PPARGC1A: variants seen among roughly 807,000 people sequenced by gnomAD.
The protein encoded by PPARGC1A is peroxisome proliferator-activated receptor gamma coactivator 1-alpha.
Under a neutral mutation model 88.7 loss-of-function variants are expected in PPARGC1A, and 25 were observed. The observed-to-expected ratio is 0.28, with a 90% CI of 0.21 to 0.39. The LOEUF (loss-of-function observed/expected upper bound fraction) is 0.39. Ranked by LOEUF, PPARGC1A falls within the 10% of genes least tolerant of loss-of-function variation. The probability of loss-of-function intolerance (pLI) is 1.00; values close to 1 mark genes in which losing one functional copy is unlikely to be tolerated. For missense variants in PPARGC1A, 880 were observed against 968.7 expected, an observed-to-expected ratio of 0.91 and a Z score of 1.22; for synonymous variants, 363 against 355.6, an observed-to-expected ratio of 1.02 and a Z score of -0.24.
chr4:24,091,621 C>G, the PPARGC1A span: 1 of 985,342 alleles, frequency 1.0e-6, no homozygotes, highest in Non-Finnish European at 1.2e-6. Context: ...GCAGCCAGGG[C>G]AGTCCAGGGG....
chr4:24,447,443 G>C, the PPARGC1A span, among the ~76,000 whole-genome samples: 1 of 152,190 alleles, frequency 6.6e-6, no homozygotes, highest in Non-Finnish European at 1.5e-5. Context: ...TGGAAACAGG[G>C]CTGGCAGCCA....
the PPARGC1A span, among the ~76,000 whole-genome samples, chr4:24,157,781 G>C: frequency 6.6e-6 from 1 of 151,874 alleles, no homozygotes; most frequent in Non-Finnish European, 1.5e-5. Flanking sequence ...TTGTTGATTT[G>C]GTCTGAATCT....
chr4:23,995,278 G>A, the PPARGC1A span, among the ~76,000 whole-genome samples: 1 of 152,262 alleles, frequency 6.6e-6, no homozygotes, highest in African/African-American at 2.4e-5. Flanking sequence ...ACATGTACAT[G>A]CACACATACA....
upstream of PPARGC1A, among the ~76,000 whole-genome samples, chr4:23,900,176 A>C (rs1189178286): frequency 6.6e-5 from 10 of 152,184 alleles, no homozygotes; most frequent in Admixed American, 6.5e-4. Context: ...TTCCTCATCT[A>C]TCAAAAAATA....
chr4:24,080,390 TA>T, the PPARGC1A span, among the ~76,000 whole-genome samples: 1 of 152,032 alleles, frequency 6.6e-6, no homozygotes, highest in African/African-American at 2.4e-5. Flanking sequence ...TTTATATATT[TA>T]TTTTATATTG....
chr4:24,370,204 A>G, the PPARGC1A span, among the ~76,000 whole-genome samples: 1 of 152,214 alleles, frequency 6.6e-6, no homozygotes, highest in South Asian at 2.1e-4. Context: ...TTAAAATGGT[A>G]ACAAAATTTT....
upstream of PPARGC1A, among the ~76,000 whole-genome samples, chr4:23,908,031 G>GA (rs547298055): frequency 3.4e-4 from 51 of 152,190 alleles, no homozygotes; most frequent in South Asian, 0.01. Flanking sequence ...AGATTTGTAT[G>GA]AAAAAAACTG....
the PPARGC1A span, among the ~76,000 whole-genome samples, chr4:24,350,863 C>T: frequency 6.6e-6 from 1 of 152,184 alleles, no homozygotes; most frequent in African/African-American, 2.4e-5. Context: ...GGCATCATGG[C>T]TCACACTTGT....
At chr4:24,009,681 G>C in the PPARGC1A span, among the ~76,000 whole-genome samples, 1 of 152,300 alleles carries the variant, frequency 6.6e-6, no homozygotes, top group South Asian at 2.1e-4. Flanking sequence ...CTTGACTGGA[G>C]GGAAACTGAT....
the PPARGC1A span, among the ~76,000 whole-genome samples, chr4:24,377,455 A>G: frequency 1.3e-5 from 2 of 152,144 alleles, no homozygotes; most frequent in African/African-American, 4.8e-5. Flanking sequence ...CCCAGCAGAA[A>G]GGCATAAAAG....
the PPARGC1A span, among the ~76,000 whole-genome samples, chr4:24,197,204 G>A: frequency 6.6e-6 from 1 of 152,190 alleles, no homozygotes; most frequent in South Asian, 2.1e-4. Context: ...GGACAGTGAG[G>A]AACCACTATC....
the PPARGC1A span, among the ~76,000 whole-genome samples, chr4:24,033,999 T>C: frequency 6.6e-6 from 1 of 152,336 alleles, no homozygotes; most frequent in African/African-American, 2.4e-5. Flanking sequence ...GGCCTTCTTC[T>C]TCCTAAACAA....
chr4:23,843,520 T>C (rs1312730499), intron 2 of PPARGC1A, among the ~76,000 whole-genome samples: 1 of 152,050 alleles, frequency 6.6e-6, no homozygotes, highest in East Asian at 1.9e-4. Context: ...AACAATAACA[T>C]TATCATTTTC....
the PPARGC1A span, among the ~76,000 whole-genome samples, chr4:24,147,587 C>G: frequency 2.0e-5 from 3 of 152,092 alleles, no homozygotes; most frequent in Non-Finnish European, 4.4e-5. Flanking sequence ...AAAATGGCCA[C>G]AAGGTCAGAG....
At chr4:24,455,353 C>T in the PPARGC1A span, among the ~76,000 whole-genome samples, 3 of 152,220 alleles carry the variant, frequency 2.0e-5, no homozygotes, top group East Asian at 3.9e-4. Flanking sequence ...TTGTGGCTTG[C>T]GCCTGCAGTC....
At chr4:24,241,246 C>CA in the PPARGC1A span, among the ~76,000 whole-genome samples, 195 of 149,554 alleles carry the variant, frequency 1.3e-3, 2 homozygotes, top group Admixed American at 6.6e-3. Flanking sequence ...GCAAAACAAA[C>CA]AAACAAAAAG....
chr4:24,248,662 T>C, the PPARGC1A span, among the ~76,000 whole-genome samples: 1 of 152,208 alleles, frequency 6.6e-6, no homozygotes, highest in African/African-American at 2.4e-5. Flanking sequence ...AACCTCTCAG[T>C]GTCTTAATTT....
At chr4:24,190,423 G>A in the PPARGC1A span, among the ~76,000 whole-genome samples, 1 of 152,138 alleles carries the variant, frequency 6.6e-6, no homozygotes, top group Non-Finnish European at 1.5e-5. Context: ...GCTGAGGCAG[G>A]AGAATGGTAT....
the PPARGC1A span, among the ~76,000 whole-genome samples, chr4:24,000,511 T>TG: frequency 6.5e-5 from 1 of 15,466 alleles, no homozygotes; most frequent in Admixed American, 8.4e-4. Context: ...ATGCAGCAGG[T>TG]GCTTTTTTTT....
Sources: allele counts gnomAD v4.1 joint callset (sites outside exome capture counted in the v4.1 genomes callset), GRCh38; gene constraint gnomAD v4.1.1; transcripts MANE v1.5; gene names NCBI Gene and HGNC (gene_info 2026-07-23, HGNC 2026-07-21).